Variants in CLIP1 observed in about 807,000 individuals in gnomAD.
CLIP1 encodes CAP-Gly domain containing linker protein 1.
CLIP1 carries 66 observed loss-of-function variants against 161.6 expected under a neutral mutation model. The ratio of observed to expected loss-of-function variants is 0.41; its 90% CI spans 0.33 to 0.50. The LOEUF is 0.50. Ranked by LOEUF, CLIP1 falls within the 20% of genes least tolerant of loss-of-function variation. The pLI is 0.27. For missense variants in CLIP1, 1,376 were observed against 1,702.0 expected (o/e 0.81, Z 3.37); for synonymous variants, 598 against 626.2 (o/e 0.96, Z 0.67).
intron 1 of CLIP1, among the ~76,000 whole-genome samples, chr12:122,393,568 C>T (rs1011802698): frequency 6.6e-6 from 1 of 152,164 alleles, no homozygotes; most frequent in African/African-American, 2.4e-5. Flanking sequence ...AAAGGGCATA[C>T]ACCTAGTGGA....
At chr12:122,392,115 A>G (rs1012787052) in intron 1 of CLIP1, among the ~76,000 whole-genome samples, 3 of 152,110 alleles carry the variant, frequency 2.0e-5, no homozygotes, top group Non-Finnish European at 4.4e-5. Flanking sequence ...CTACAAAAAA[A>G]TACAAATTAA....
In CLIP1 at chr12:122,355,417, G is replaced by C; in HGVS notation, c.1006-105C>G. 2.1e-6 allele frequency: 2 copies of C among 967,814 alleles called. No individual in the cohort carries two copies. Among genetic ancestry groups the C allele is most frequent in the Middle Eastern group, 3.3e-4 (1 of 3,004 alleles). The allele number at this position is 967,814 out of a possible 1,614,324, so 60.0% of individuals were successfully genotyped here. A position where few individuals can be genotyped will look rare whatever the true frequency, so the allele number is the denominator to read the frequency against. Reference sequence around the variant, plus strand: ...ATCTGCTCGGCAAAGCAAGGGCGCTGCTCCAGCTGGCAGGCTGGCCAGGAT... The same window carrying C: ...ATCTGCTCGGCAAAGCAAGGGCGCTCCTCCAGCTGGCAGGCTGGCCAGGAT... On this transcript the variant is annotated intron_variant, in intron 5 of 25. Transcript: ENST00000620786. The surrounding 1 kb of genome is among the most constrained non-coding windows in gnomAD (Gnocchi z 4.1).
chr12:122,352,004 AT>A (rs1953056217), intron 8 of CLIP1, among the ~76,000 whole-genome samples: 1 of 151,664 alleles, frequency 6.6e-6, no homozygotes, highest in African/African-American at 2.4e-5. Flanking sequence ...AAAAGGATTT[AT>A]CCTGCTCAAC....
chr12:122,335,539 G>A (rs771994867), intron 12 of CLIP1, among the ~76,000 whole-genome samples: 1 of 152,128 alleles, frequency 6.6e-6, no homozygotes, highest in Non-Finnish European at 1.5e-5. Context: ...GGGCGCAGTA[G>A]CTCACGCCTA....
chr12:122,331,136 T>C (rs1261233158), intron 15 of CLIP1, among the ~76,000 whole-genome samples: 3 of 152,078 alleles, frequency 2.0e-5, no homozygotes, highest in Non-Finnish European at 2.9e-5. Flanking sequence ...TGCCTCAGCC[T>C]CCTGAGTAGC....
intron 9 of CLIP1, 36 bp from the exon 10 acceptor site, chr12:122,347,515 G>A (rs776918323): frequency 6.6e-7 from 1 of 1,505,028 alleles, no homozygotes; most frequent in South Asian, 1.1e-5. Context: ...GAACACAACA[G>A]TGCCACCATG....
chr12:122,309,031 C>T (rs1383893881), intron 20 of CLIP1, among the ~76,000 whole-genome samples: 2 of 152,202 alleles, frequency 1.3e-5, no homozygotes, highest in Non-Finnish European at 2.9e-5. Context: ...TAATTTTAAG[C>T]TGCTGCTCTG....
chr12:122,421,875 G>A (rs1956954620), intron 1 of CLIP1, among the ~76,000 whole-genome samples: 1 of 152,204 alleles, frequency 6.6e-6, no homozygotes, highest in South Asian at 2.1e-4. Context: ...ATCCCCTGCC[G>A]CGGTAGAAGG....
chr12:122,409,939 C>G (rs1389736079), intron 1 of CLIP1, among the ~76,000 whole-genome samples: 1 of 148,212 alleles, frequency 6.7e-6, no homozygotes, highest in East Asian at 2.0e-4. Context: ...GGTGAGATCT[C>G]GGCTCACTGA....
At chr12:122,415,165 C>T (rs1453416656) in intron 1 of CLIP1, among the ~76,000 whole-genome samples, 2 of 152,138 alleles carry the variant, frequency 1.3e-5, no homozygotes, top group East Asian at 3.8e-4. Flanking sequence ...CAAATACTGA[C>T]GACTGACACT....
chr12:122,278,340 A>C, intron 23 of CLIP1, 137 bp from the exon 24 acceptor site: 1 of 786,426 alleles, frequency 1.3e-6, no homozygotes, highest in South Asian at 1.6e-5. Context: ...CACCACTTTC[A>C]GCACATGTGG....
chr12:122,377,596 G>C lies in CLIP1; in HGVS notation c.450C>G (p.Cys150Trp). 1.2e-6 allele frequency: 2 copies of C among 1,613,970 alleles called. No homozygotes were observed. The highest frequency in any genetic ancestry group is 1.1e-5 in the South Asian group (1 of 91,072). ...AAGACACCATGCTGGCCGTAGAAGT[G>C]CACAGCGGTGAAGTAGCTCGGGAGG... ...TPASRATSPL[C>W]TSTASMVSSS... Residue 150 changes from cysteine (C) to tryptophan (W), a missense_variant, in exon 3 of 26, where the codon TGC becomes TGG. Cys to Trp is a radical substitution (Grantham distance 215). Coordinates refer to ENST00000620786, the MANE Select transcript of CLIP1 (RefSeq NM_001247997.2).
intron 1 of CLIP1, among the ~76,000 whole-genome samples, chr12:122,421,853 C>T (rs546918743): frequency 1.3e-5 from 2 of 152,376 alleles, no homozygotes; most frequent in African/African-American, 4.8e-5. Context: ...GTGTCATCTG[C>T]CTTCCGCGCC....
chr12:122,391,966 A>G lies in CLIP1; in HGVS notation c.-106-11408T>C, dbSNP rs142395915. Reference sequence around the variant, plus strand: ...TCACTACACATTATTTGAACAGTAAATTACATAAAAATCTGTCTTCCAAGC... The same window carrying G: ...TCACTACACATTATTTGAACAGTAAGTTACATAAAAATCTGTCTTCCAAGC... On this transcript the variant is annotated intron_variant, in intron 1 of 25. Coordinates refer to ENST00000620786, the MANE Select transcript of CLIP1 (RefSeq NM_001247997.2). Among the ~76,000 whole-genome samples, 354 of 152,218 alleles carry G rather than the reference A, an allele frequency of 2.3e-3. 1 individual carries two copies. Among genetic ancestry groups the G allele is most frequent in the African/African-American group, 8.3e-3 (346 of 41,564 alleles).
intron 25 of CLIP1, 45 bp downstream of exon 25, chr12:122,273,993 A>G: frequency 5.0e-6 from 8 of 1,593,074 alleles, no homozygotes; most frequent in Non-Finnish European, 6.9e-6. Context: ...TCGGCCTCCC[A>G]AAGTGCTGGG....
intron 3 of CLIP1, among the ~76,000 whole-genome samples, chr12:122,371,793 G>A (rs975539369): frequency 2.0e-5 from 3 of 152,200 alleles, no homozygotes; most frequent in Non-Finnish European, 4.4e-5. Context: ...TCTCAAAACT[G>A]AAAGCAAGGA....
intron 3 of CLIP1, among the ~76,000 whole-genome samples, 194 bp from the exon 4 acceptor site, chr12:122,364,301 C>A (rs763546801): frequency 1.2e-4 from 19 of 152,080 alleles, no homozygotes; most frequent in Non-Finnish European, 2.1e-4. Flanking sequence ...CTTATATTAC[C>A]AGAGTGATTT....
intron 3 of CLIP1, among the ~76,000 whole-genome samples, chr12:122,376,001 C>T (rs950544194): frequency 2.6e-5 from 4 of 151,788 alleles, no homozygotes; most frequent in Admixed American, 6.6e-5. Flanking sequence ...TGTAGTGACG[C>T]GATCTTGGCT....
chr12:122,357,600 A>G (rs1330454015), intron 5 of CLIP1, among the ~76,000 whole-genome samples: 22 of 105,530 alleles, frequency 2.1e-4, no homozygotes, highest in Middle Eastern at 9.8e-3. Context: ...CCCCGTCCGG[A>G]AGGTGAGGGG....
Sources: allele counts gnomAD v4.1 joint callset (sites outside exome capture counted in the v4.1 genomes callset), GRCh38; gene constraint gnomAD v4.1.1; non-coding constraint Gnocchi (gnomAD v3.1); transcripts MANE v1.5; gene names NCBI Gene and HGNC (gene_info 2026-07-23, HGNC 2026-07-21).